The following RARB variants were observed in gnomAD, a reference collection of about 807,000 sequenced individuals.
The protein encoded by RARB is HBV-activated protein.
RARB carries 17 observed loss-of-function variants against 51.9 expected under a neutral mutation model. That is an observed-to-expected ratio of 0.33 (90% CI 0.22 to 0.49). The LOEUF is 0.49. RARB is among the 20% of genes least tolerant of loss of function. RARB has a pLI of 0.99. For missense variants in RARB, 369 were observed against 550.8 expected, an observed-to-expected ratio of 0.67 and a Z score of 3.30; for synonymous variants, 215 against 195.4, an observed-to-expected ratio of 1.10 and a Z score of -0.84.
At chr3:25,547,482 A>C (rs1699663428) in intron 3 of RARB, among the ~76,000 whole-genome samples, 1 of 152,230 alleles carries the variant, frequency 6.6e-6, no homozygotes, top group African/African-American at 2.4e-5. Context: ...CATAAAATGA[A>C]TAGTCCCATG....
intron 5 of RARB, among the ~76,000 whole-genome samples, chr3:25,317,827 A>G (rs1329460237): frequency 1.3e-5 from 2 of 152,210 alleles, no homozygotes; most frequent in East Asian, 1.9e-4. Flanking sequence ...CTTTTCTGGT[A>G]TAAAAACATT....
chr3:25,156,203 G>T (rs1700371666), intron 4 of RARB, among the ~76,000 whole-genome samples: 1 of 152,194 alleles, frequency 6.6e-6, no homozygotes, highest in African/African-American at 2.4e-5. Flanking sequence ...TAGCAGGAAT[G>T]AATGGGATTT....
intron 3 of RARB, among the ~76,000 whole-genome samples, chr3:25,095,935 C>A (rs1204143257): frequency 6.6e-6 from 1 of 152,146 alleles, no homozygotes; most frequent in Non-Finnish European, 1.5e-5. Flanking sequence ...AACTGTTCAG[C>A]ACTGTGGCAG....
At chr3:25,402,326 A>T (rs575398018) in intron 5 of RARB, among the ~76,000 whole-genome samples, 14 of 152,186 alleles carry the variant, frequency 9.2e-5, no homozygotes, top group Non-Finnish European at 1.5e-4. Context: ...GGATGTGGAG[A>T]AAAGGGAACC....
intron 1 of RARB, among the ~76,000 whole-genome samples, chr3:25,439,098 A>G (rs945402291): frequency 2.6e-5 from 4 of 152,186 alleles, no homozygotes; most frequent in African/African-American, 7.2e-5. Context: ...ATGTTACTCT[A>G]GTTTACTGGT....
chr3:24,860,249 G>A (rs1702723906), intron 2 of RARB, among the ~76,000 whole-genome samples: 1 of 152,170 alleles, frequency 6.6e-6, no homozygotes. Context: ...CATCTTGGGT[G>A]TTGATTCTGA....
intron 2 of RARB, among the ~76,000 whole-genome samples, chr3:24,875,205 C>T (rs1020317010): frequency 3.9e-5 from 6 of 151,946 alleles, no homozygotes; most frequent in African/African-American, 1.5e-4. Context: ...GAAGTATATT[C>T]TGTTGCATAT....
At chr3:25,271,102 C>G (rs773099001) in intron 5 of RARB, among the ~76,000 whole-genome samples, 5 of 152,166 alleles carry the variant, frequency 3.3e-5, no homozygotes, top group African/African-American at 4.8e-5. Flanking sequence ...TCTCTTGTAA[C>G]CTCTAATTTT....
Position 25,580,736 on chromosome 3 carries a change from T to C in RARB, c.786+14T>C. Reference sequence around the variant, plus strand: ...CTGGACATCCTGGTATGTGCCTTTTTGAGCTCTCAATGGGTCTGGGGAGGG... The same window carrying C: ...CTGGACATCCTGGTATGTGCCTTTTCGAGCTCTCAATGGGTCTGGGGAGGG... On this transcript the variant is annotated intron_variant, in intron 5 of 7. Coordinates refer to ENST00000330688, the MANE Select transcript of RARB (RefSeq NM_000965.5). The C allele has an allele frequency of 1.3e-6, 2 of 1,591,192 alleles. No individual in the cohort carries two copies. Among genetic ancestry groups the C allele is most frequent in the Non-Finnish European group, 1.7e-6 (2 of 1,162,178 alleles).
At chr3:25,225,772 C>A (rs1248221298) in intron 5 of RARB, among the ~76,000 whole-genome samples, 1 of 152,098 alleles carries the variant, frequency 6.6e-6, no homozygotes, top group African/African-American at 2.4e-5. Context: ...TGACAGTAGT[C>A]TTTTTCAATC....
chr3:25,006,783 G>C (rs548187810), intron 2 of RARB, among the ~76,000 whole-genome samples: 3 of 152,274 alleles, frequency 2.0e-5, no homozygotes, highest in South Asian at 2.1e-4. Flanking sequence ...TCCAGGAGTA[G>C]ACATTACACC....
chr3:25,446,700 G>A (rs1477943738), intron 1 of RARB, among the ~76,000 whole-genome samples: 1 of 150,192 alleles, frequency 6.7e-6, no homozygotes, highest in African/African-American at 2.5e-5. Flanking sequence ...CTACTTGGGA[G>A]GCTGAGGCAG....
At chr3:25,488,097 A>T (rs1441870718) in intron 2 of RARB, among the ~76,000 whole-genome samples, 2 of 152,214 alleles carry the variant, frequency 1.3e-5, no homozygotes, top group Non-Finnish European at 2.9e-5. Flanking sequence ...AAGTCTAGGG[A>T]CTGTGCTATC....
chr3:24,868,926 A>T (rs1702898303), intron 2 of RARB, among the ~76,000 whole-genome samples: 2 of 152,152 alleles, frequency 1.3e-5, no homozygotes, highest in South Asian at 4.1e-4. Context: ...ATGTTTCCCT[A>T]AAATGTATAC....
At chr3:25,269,837 G>A (rs949943926) in intron 5 of RARB, among the ~76,000 whole-genome samples, 1 of 152,044 alleles carries the variant, frequency 6.6e-6, no homozygotes, top group Admixed American at 6.6e-5. Context: ...TCATGTTTAA[G>A]TGGCCAAAGA....
chr3:25,255,109 AACACTCAC>A (rs773492392), intron 5 of RARB, among the ~76,000 whole-genome samples: 5 of 152,182 alleles, frequency 3.3e-5, no homozygotes, highest in Admixed American at 6.5e-5. Context: ...GCTTTAGGGT[AACACTCAC>A]ACATTTCTTT....
intron 5 of RARB, among the ~76,000 whole-genome samples, chr3:25,241,396 T>G (rs73149271): frequency 0.015 from 2,290 of 152,258 alleles, 60 homozygotes; most frequent in African/African-American, 0.051. Flanking sequence ...CATGGAACCA[T>G]GTTGGTTTGC....
chr3:24,897,435 C>T (rs771480964), intron 2 of RARB, among the ~76,000 whole-genome samples: 12 of 152,092 alleles, frequency 7.9e-5, no homozygotes, highest in South Asian at 2.1e-4. Context: ...AGATGGCTCC[C>T]GGACTGAAAT....
intron 5 of RARB, among the ~76,000 whole-genome samples, chr3:25,333,138 G>T (rs1448672743): frequency 1.3e-5 from 2 of 152,080 alleles, no homozygotes; most frequent in Non-Finnish European, 2.9e-5. Context: ...TCCCCATCAA[G>T]CTACCAATGA....
Sources: gnomAD v4.1 joint callset for allele counts (sites outside exome capture counted in the v4.1 genomes callset) on GRCh38, gnomAD v4.1.1 for gene constraint, MANE v1.5 for transcripts, NCBI Gene and HGNC (gene_info 2026-07-23, HGNC 2026-07-21) for gene names.